The following ERC1 variants were observed in gnomAD, a reference collection of about 807,000 sequenced individuals.
ERC1 encodes the protein ELKS/RAB6-interacting/CAST family member 1.
A neutral mutation model predicts 132.0 loss-of-function variants in ERC1; 56 were observed. The observed-to-expected ratio is 0.42, with a 90% CI of 0.34 to 0.53. ERC1 has a LOEUF of 0.53. Ranked by LOEUF, ERC1 falls within the 20% of genes least tolerant of loss-of-function variation. The pLI, the probability that ERC1 is intolerant of heterozygous loss-of-function variation, is 0.03. For missense variants in ERC1, 1,202 were observed against 1,349.9 expected, an observed-to-expected ratio of 0.89 and a Z score of 1.72; for synonymous variants, 478 against 476.1, an observed-to-expected ratio of 1.00 and a Z score of -0.05.
At chr12:1,401,198 T>A (rs992985477) in intron 16 of ERC1, among the ~76,000 whole-genome samples, 1 of 152,100 alleles carries the variant, frequency 6.6e-6, no homozygotes, top group Admixed American at 6.5e-5. Context: ...CCTTCCAAAG[T>A]GCTGGGATTA....
chr12:1,026,227 A>G lies in ERC1; in HGVS notation c.-156-1521A>G, dbSNP rs539832999. On this transcript the variant is annotated intron_variant, in intron 1 of 18. Transcript: ENST00000360905. ...AGAGAACTTGTGCAGGGGAACTCCA[A>G]TTTATAAAACTATCAGATCCCATGA... Among the ~76,000 whole-genome samples the G allele has an allele frequency of 7.9e-5, 12 of 152,288 alleles. No homozygotes were observed. In the South Asian group the frequency reaches 1.5e-3, roughly 18 times the overall value.
chr12:1,432,948 C>T (rs149250580), intron 17 of ERC1, among the ~76,000 whole-genome samples: 135 of 152,344 alleles, frequency 8.9e-4, no homozygotes, highest in Non-Finnish European at 1.4e-3. Flanking sequence ...CAGTCATTAA[C>T]GTGATGTCAC....
chr12:1,381,637 A>G (rs1303339733), intron 16 of ERC1, among the ~76,000 whole-genome samples: 1 of 152,232 alleles, frequency 6.6e-6, no homozygotes, highest in Non-Finnish European at 1.5e-5. Flanking sequence ...AAACACTAAG[A>G]TCAACTAGAT....
At chr12:1,012,554 C>A (rs1482810606) in intron 1 of ERC1, among the ~76,000 whole-genome samples, 1 of 150,806 alleles carries the variant, frequency 6.6e-6, no homozygotes. Context: ...CTCCCTGCAA[C>A]CTCCACCTCC....
intron 12 of ERC1, among the ~76,000 whole-genome samples, chr12:1,206,709 G>A (rs1210925057): frequency 1.3e-5 from 2 of 151,984 alleles, no homozygotes; most frequent in South Asian, 2.1e-4. Context: ...TTTGGCTAAC[G>A]GTCATTCAGA....
intron 17 of ERC1, among the ~76,000 whole-genome samples, chr12:1,417,507 C>T (rs780688864): frequency 4.0e-5 from 6 of 151,664 alleles, no homozygotes; most frequent in Admixed American, 6.6e-5. Context: ...AGGCCGAGCG[C>T]GGTGGCTCAT....
chr12:1,422,441 G>A (rs555331884), intron 17 of ERC1, among the ~76,000 whole-genome samples: 24 of 152,108 alleles, frequency 1.6e-4, no homozygotes, highest in African/African-American at 5.5e-4. Context: ...GAATGAGAAA[G>A]TATGGTATTT....
intron 17 of ERC1, among the ~76,000 whole-genome samples, chr12:1,421,224 C>T (rs1214971219): frequency 6.6e-6 from 1 of 152,168 alleles, no homozygotes; most frequent in African/African-American, 2.4e-5. Context: ...CTCCCATCTA[C>T]CTGTGCTTTT....
At chr12:1,267,742 A>G (rs1276023702) in intron 14 of ERC1, among the ~76,000 whole-genome samples, 1 of 152,210 alleles carries the variant, frequency 6.6e-6, no homozygotes, top group Non-Finnish European at 1.5e-5. Context: ...AGTCTGGGCA[A>G]CAGAGTGAGA....
chr12:1,221,414 G>T (rs1364337395), intron 12 of ERC1, among the ~76,000 whole-genome samples: 1 of 152,174 alleles, frequency 6.6e-6, no homozygotes, highest in African/African-American at 2.4e-5. Flanking sequence ...GACACTAAAT[G>T]TAAGATGAGA....
chr12:1,119,423 A>G (rs1208268117), intron 7 of ERC1, among the ~76,000 whole-genome samples: 1 of 151,992 alleles, frequency 6.6e-6, no homozygotes, highest in Non-Finnish European at 1.5e-5. Flanking sequence ...GGTTAAAAGC[A>G]TGGTCTTTGG....
intron 1 of ERC1, among the ~76,000 whole-genome samples, chr12:1,006,976 TGTATA>T (rs1963745601): frequency 6.7e-6 from 1 of 150,272 alleles, no homozygotes; most frequent in Non-Finnish European, 1.5e-5. Context: ...ATATATATGG[TGTATA>T]GTATATAGTG....
At chr12:1,084,437 C>T (rs1162912656) in intron 3 of ERC1, among the ~76,000 whole-genome samples, 2 of 152,030 alleles carry the variant, frequency 1.3e-5, no homozygotes, top group African/African-American at 2.4e-5. Context: ...TTTAAAAATA[C>T]TTCTAAATTT....
intron 14 of ERC1, among the ~76,000 whole-genome samples, chr12:1,268,002 T>G (rs1025612260): frequency 1.3e-5 from 2 of 152,232 alleles, no homozygotes; most frequent in Admixed American, 6.5e-5. Context: ...TTTTTGTTGT[T>G]GTTAATGTAT....
chr12:1,202,326 T>G (rs1489435299), intron 12 of ERC1, among the ~76,000 whole-genome samples: 2 of 152,138 alleles, frequency 1.3e-5, no homozygotes, highest in African/African-American at 4.8e-5. Flanking sequence ...TACATATAAT[T>G]CGATGTACAG....
intron 18 of ERC1, among the ~76,000 whole-genome samples, chr12:1,463,697 CTGTGTGTGTGTGTG>C (rs57210462): frequency 1.5e-5 from 2 of 136,032 alleles, no homozygotes; most frequent in Admixed American, 1.4e-4. Flanking sequence ...GGTGCTAAGA[CTGTGTGTGTGTGTG>C]TGTGTGTGTG....
In ERC1 at chr12:1,445,050, C is replaced by T. The variant is rs1592111515; in HGVS notation, c.3213+300C>T. On this transcript the variant is annotated intron_variant, in intron 18 of 18. Coordinates refer to ENST00000360905, the MANE Select transcript of ERC1 (RefSeq NM_178040.4). ...TCACCAATTAAAAATGTATGTTTCT[C>T]ATGTACAACATGTAATTTTGAAATA... 3.3e-5 allele frequency: 9 copies of T among 276,682 alleles called. No homozygotes were observed. The Admixed American group carries it at 4.3e-4, about 13-fold the overall frequency. The allele number at this position is 276,682 out of a possible 1,614,324, so 17.1% of individuals were successfully genotyped here.
At position 1,107,447 on chromosome 12, in the gene ERC1, A is replaced by C. The variant is rs556656253; in HGVS notation, c.1161+2623A>C. Reference sequence around the variant, plus strand: ...GTTGGGAGAAAATGTAAAAGTTAGGAAAGTGGAATTCTCTGTGAGGTTGAA... The same window carrying C: ...GTTGGGAGAAAATGTAAAAGTTAGGCAAGTGGAATTCTCTGTGAGGTTGAA... On this transcript the variant is annotated intron_variant, in intron 4 of 18. Transcript: ENST00000360905. 5.9e-5 allele frequency among the ~76,000 whole-genome samples: 9 copies of C among 152,232 alleles called. No homozygotes were observed. The East Asian group carries it at 1.4e-3, about 23-fold the overall frequency.
chr12:1,154,213 G>GTATGTA (rs140140472), intron 8 of ERC1, among the ~76,000 whole-genome samples: 22,458 of 142,784 alleles, frequency 0.16, 2,044 homozygotes, highest in South Asian at 0.21. Context: ...GTGTGTGTGT[G>GTATGTA]TATGTATATG....
Sources: gnomAD v4.1 joint callset for allele counts (sites outside exome capture counted in the v4.1 genomes callset) on GRCh38, gnomAD v4.1.1 for gene constraint, MANE v1.5 for transcripts, NCBI Gene and HGNC (gene_info 2026-07-23, HGNC 2026-07-21) for gene names.